The following PCNT variants were observed in gnomAD, a reference collection of about 807,000 sequenced individuals.
PCNT encodes the protein pericentrin, also known as kendrin.
In PCNT, 319 loss-of-function variants were observed where a neutral mutation model predicts 380.4. The ratio of observed to expected loss-of-function variants is 0.84; its 90% confidence interval spans 0.77 to 0.92. The LOEUF (loss-of-function observed/expected upper bound fraction) is 0.92. PCNT is among the 40% of genes least tolerant of loss of function. The pLI is 0.00. For missense variants in PCNT, 4,400 were observed against 4,255.3 expected (o/e 1.03, Z -0.95); for synonymous variants, 1,845 against 1,735.2 (o/e 1.06, Z -1.57).
chr21:46,364,785 A>G (rs984972907), intron 14 of PCNT, among the ~76,000 whole-genome samples: 1 of 152,096 alleles, frequency 6.6e-6, no homozygotes, highest in African/African-American at 2.4e-5. Flanking sequence ...GGCCCCGCTC[A>G]GGGATTGGAG....
In PCNT at chr21:46,438,226, C is replaced by G; in HGVS notation, c.9162C>G (p.Ser3054=). ...FVDVLLKDNV[S]LTKALSTVTQ... ...ACGTCCTGCTGAAAGACAATGTTTC[C>G]CTCACAAAAGCGCTCAGCACGGTGA... Residue 3054 remains serine, a synonymous_variant, in exon 41 of 47, where the codon TCC becomes TCG. Transcript: ENST00000359568. 6.2e-7 allele frequency: 1 copy of G among 1,614,134 alleles called. No individual in the cohort carries two copies. The highest frequency in any genetic ancestry group is 8.5e-7 in the Non-Finnish European group (1 of 1,179,972).
At chr21:46,372,445 C>T (rs1489865660) in intron 15 of PCNT, among the ~76,000 whole-genome samples, 1 of 152,264 alleles carries the variant, frequency 6.6e-6, no homozygotes, top group African/African-American at 2.4e-5. Context: ...GCATGTTGTC[C>T]TGCAGGATGA....
At chr21:46,440,465 G>A (rs2053577576) in intron 42 of PCNT, among the ~76,000 whole-genome samples, 1 of 152,246 alleles carries the variant, frequency 6.6e-6, no homozygotes, top group Admixed American at 6.5e-5. Flanking sequence ...TGCAGCCTGA[G>A]GGAGGCCTGG....
At position 46,390,820 on chromosome 21, in the gene PCNT, CA is replaced by C; in HGVS notation, c.3992del (p.His1331ProfsTer17). 1 of 1,608,778 alleles carries C rather than the reference CA, an allele frequency of 6.2e-7. No individual in the cohort carries two copies. Among genetic ancestry groups the C allele is most frequent in the Non-Finnish European group, 8.5e-7 (1 of 1,178,122 alleles). On this transcript the variant is annotated frameshift_variant, in exon 20 of 47. Transcript: ENST00000359568. LOFTEE classifies it high-confidence loss of function. ...AAAGGCAGAGCTGGCGCTGGAGCTG[CA>C]CAAGACTCAGGGTGAGCAGCATGAG... ...AAKAELALEL[H>X]KTQGTLEGFK...
chr21:46,374,452 C>G lies in PCNT; in HGVS notation c.3166-7242C>G, dbSNP rs550045198. Among the ~76,000 whole-genome samples the G allele has an allele frequency of 2.0e-5, 3 of 152,280 alleles. No homozygotes were observed. In the East Asian group the frequency reaches 5.8e-4, roughly 29 times the overall value. On this transcript the variant is annotated intron_variant, in intron 15 of 46. Coordinates refer to ENST00000359568, the MANE Select transcript of PCNT (RefSeq NM_006031.6). ...GTCACTGTTCCCTCGTTCCTGCAAG[C>G]GTGTTGGTAGATCCACAGGCCTGTG...
intron 6 of PCNT, among the ~76,000 whole-genome samples, chr21:46,347,753 A>G (rs2084120612): frequency 6.6e-6 from 1 of 152,194 alleles, no homozygotes; most frequent in Admixed American, 6.5e-5. Context: ...CGGCCCCTCC[A>G]TGCTGTCTTC....
chr21:46,340,818 C>T (rs763213139), intron 3 of PCNT, among the ~76,000 whole-genome samples: 12 of 151,420 alleles, frequency 7.9e-5, no homozygotes, highest in African/African-American at 2.2e-4. Flanking sequence ...TACAGGTGCC[C>T]GCCACCATGC....
rs1312257347 is a variant in PCNT at position 46,416,341 on chromosome 21, T to C, written c.6423T>C (p.Val2141=). 6.2e-7 allele frequency: 1 copy of C among 1,613,828 alleles called. No individual in the cohort carries two copies. Among genetic ancestry groups the C allele is most frequent in the African/African-American group, 1.3e-5 (1 of 74,948 alleles). ...ANTATGGVTD[V]IKNQAIDACD... ...CAGCCACGGGGGGTGTAACTGATGT[T>C]ATCAAAAATCAGGCCATAGACGCGT... The change falls in exon 30 of 47, where the codon GTT becomes GTC. Residue 2141 remains valine, a synonymous_variant. Transcript: ENST00000359568.
chr21:46,432,945 C>G (rs1569301788), intron 38 of PCNT, among the ~76,000 whole-genome samples: 1 of 152,176 alleles, frequency 6.6e-6, no homozygotes, highest in Non-Finnish European at 1.5e-5. Flanking sequence ...TCTTTAGTTT[C>G]TTTCAGTAGT....
chr21:46,421,195 C>G (rs1039000836), intron 31 of PCNT, among the ~76,000 whole-genome samples: 2 of 152,246 alleles, frequency 1.3e-5, no homozygotes, highest in Non-Finnish European at 2.9e-5. Context: ...GCCCTCTGCT[C>G]AGCAGGCTGT....
chr21:46,341,468 A>G (rs1381446186), intron 3 of PCNT, among the ~76,000 whole-genome samples: 2 of 151,672 alleles, frequency 1.3e-5, no homozygotes, highest in Non-Finnish European at 2.9e-5. Context: ...CTTTCCCTAG[A>G]CACGTTTTAA....
intron 16 of PCNT, among the ~76,000 whole-genome samples, chr21:46,383,837 C>T (rs1386851519): frequency 2.1e-5 from 3 of 143,358 alleles, no homozygotes; most frequent in Middle Eastern, 4.5e-3. Flanking sequence ...GTGGCGGAAG[C>T]GCATTCACCA....
intron 15 of PCNT, among the ~76,000 whole-genome samples, chr21:46,378,903 C>T (rs977553134): frequency 2.0e-5 from 3 of 152,132 alleles, no homozygotes; most frequent in African/African-American, 4.8e-5. Flanking sequence ...ACTTTATGCA[C>T]GTGTCTTTTA....
At chr21:46,377,388 CA>C (rs1263447893) in intron 15 of PCNT, among the ~76,000 whole-genome samples, 2 of 152,224 alleles carry the variant, frequency 1.3e-5, no homozygotes, top group Non-Finnish European at 2.9e-5. Flanking sequence ...CTTACTTTAT[CA>C]GTTACCTTTT....
In PCNT at chr21:46,442,510, G is replaced by C. The variant is rs2053634976; in HGVS notation, c.9637G>C (p.Val3213Leu). 1 of 1,609,688 alleles carries C rather than the reference G, an allele frequency of 6.2e-7. No individual in the cohort carries two copies. The highest frequency in any genetic ancestry group is 1.1e-5 in the South Asian group (1 of 90,990). The change falls in exon 44 of 47, where the codon GTT becomes CTT. Residue 3213 changes from valine (V) to leucine (L), a missense_variant. Physicochemically the swap from Val to Leu is conservative, Grantham distance 32. Coordinates refer to ENST00000359568, the MANE Select transcript of PCNT (RefSeq NM_006031.6). Reference protein sequence around the residue: ...VIAILRLRFLVKKWQEVDRKG... With the variant: ...VIAILRLRFLLKKWQEVDRKG... ...TTTTTTTTGTAGATTACGTTTTTTGGTTAAGAAATGGCAAGAAGTAGATCG... is the reference window on the plus strand; with the variant it reads ...TTTTTTTTGTAGATTACGTTTTTTGCTTAAGAAATGGCAAGAAGTAGATCG...
chr21:46,362,379 T>C (rs2084751697), intron 13 of PCNT, among the ~76,000 whole-genome samples: 1 of 152,330 alleles, frequency 6.6e-6, no homozygotes, highest in African/African-American at 2.4e-5. Flanking sequence ...TTCTTCCTTC[T>C]GAATGTCCAG....
chr21:46,379,370 C>T (rs907482987), intron 15 of PCNT, among the ~76,000 whole-genome samples: 16 of 152,346 alleles, frequency 1.1e-4, no homozygotes, highest in Middle Eastern at 3.4e-3. Flanking sequence ...ACCTGCTGTG[C>T]ACTGGCTGGC....
chr21:46,336,895 T>C (rs926902762), intron 3 of PCNT, among the ~76,000 whole-genome samples: 2 of 152,190 alleles, frequency 1.3e-5, no homozygotes, highest in Non-Finnish European at 2.9e-5. Flanking sequence ...CCCCCCAGGT[T>C]TATTTGCAGT....
chr21:46,426,125 C>T (rs2087495456), intron 33 of PCNT, among the ~76,000 whole-genome samples, 154 bp downstream of exon 33: 1 of 129,924 alleles, frequency 7.7e-6, no homozygotes, highest in Non-Finnish European at 1.5e-5. Context: ...ACCTCCACCA[C>T]CCCGGGTCAA....
Sources: allele counts gnomAD v4.1 joint callset (sites outside exome capture counted in the v4.1 genomes callset), GRCh38; gene constraint gnomAD v4.1.1; transcripts MANE v1.5; gene names NCBI Gene and HGNC (gene_info 2026-07-23, HGNC 2026-07-21).